EMCN: variants seen among roughly 807,000 people sequenced by gnomAD.
EMCN encodes MUC-14.
EMCN carries 37 observed loss-of-function variants against 38.4 expected under a neutral mutation model. The observed-to-expected ratio is 0.96, with a 90% CI of 0.74 to 1.27. The LOEUF (loss-of-function observed/expected upper bound fraction) is 1.27. EMCN is among the 50% of genes most tolerant of loss of function. EMCN has a pLI of 0.00. For synonymous variants in EMCN, 95 were observed against 100.8 expected (o/e 0.94, Z 0.35); for missense variants, 318 against 302.8 (o/e 1.05, Z -0.37).
intron 1 of EMCN, among the ~76,000 whole-genome samples, chr4:100,495,629 T>A (rs1729188681): frequency 6.6e-6 from 1 of 152,086 alleles, no homozygotes; most frequent in Non-Finnish European, 1.5e-5. Flanking sequence ...ATCGATGTAA[T>A]CTCATATTAT....
intron 5 of EMCN, among the ~76,000 whole-genome samples, chr4:100,436,808 C>A (rs1171933400): frequency 6.6e-6 from 1 of 152,032 alleles, no homozygotes; most frequent in African/African-American, 2.4e-5. Context: ...CGGAGCTGAG[C>A]CATAAGAACA....
At chr4:100,416,050 T>C (rs1262981154) in intron 9 of EMCN, 91 bp from the exon 10 acceptor site, 4 of 711,854 alleles carry the variant, frequency 5.6e-6, no homozygotes, top group Non-Finnish European at 9.5e-6. Context: ...ATGACGAAGA[T>C]ACATATGCAT....
At chr4:100,507,657 C>T (rs529560672) in intron 1 of EMCN, among the ~76,000 whole-genome samples, 4 of 152,304 alleles carry the variant, frequency 2.6e-5, no homozygotes, top group Non-Finnish European at 5.9e-5. Flanking sequence ...TCCCCATCTC[C>T]TCTTCCCAGC....
At chr4:100,427,378 C>A (rs556215481) in intron 5 of EMCN, among the ~76,000 whole-genome samples, 1 of 151,930 alleles carries the variant, frequency 6.6e-6, no homozygotes, top group African/African-American at 2.4e-5. Context: ...CTCAAGTGAT[C>A]CTCCTGCTTC....
rs114764144 is a variant in EMCN at position 100,450,335 on chromosome 4, C to T, written c.377-2764G>A. ...TAAATGAATTTTGAAATGCTAATCA[C>T]ATTAATCCAACGTTAAACTTTGCTC... On this transcript the variant is annotated intron_variant, in intron 4 of 11. Coordinates refer to ENST00000296420, the MANE Select transcript of EMCN (RefSeq NM_016242.4). 4.7e-3 allele frequency among the ~76,000 whole-genome samples: 714 copies of T among 152,042 alleles called. 7 individuals are homozygous for T. The highest frequency in any genetic ancestry group is 0.016 in the African/African-American group (680 of 41,546).
intron 1 of EMCN, among the ~76,000 whole-genome samples, chr4:100,507,197 C>T (rs922764362): frequency 6.6e-5 from 10 of 152,052 alleles, no homozygotes; most frequent in Non-Finnish European, 1.5e-4. Flanking sequence ...GAAGTGAAAG[C>T]AATTGATATG....
chr4:100,426,837 C>T (rs1460922790), intron 5 of EMCN, among the ~76,000 whole-genome samples: 2 of 152,152 alleles, frequency 1.3e-5, no homozygotes, highest in East Asian at 3.9e-4. Context: ...AATCCAACTT[C>T]AGAGTCACTG....
In EMCN at chr4:100,395,695, T is replaced by C. The variant is rs1726103030; in HGVS notation, c.*2718A>G. On this transcript the variant is annotated 3_prime_UTR_variant, in exon 12 of 12. Transcript: ENST00000296420. Reference sequence around the variant, plus strand: ...ATCGAAGGTTTGACTATGTCCTCGGTTGATACTCATAAATTTAAATATGGT... The same window carrying C: ...ATCGAAGGTTTGACTATGTCCTCGGCTGATACTCATAAATTTAAATATGGT... 6.6e-6 allele frequency: 1 copy of C among 152,184 alleles called. No individual in the cohort carries two copies. Among genetic ancestry groups the C allele is most frequent in the Non-Finnish European group, 1.5e-5 (1 of 68,016 alleles). 9.4% of individuals were successfully genotyped at this position (152,184 alleles called of 1,614,324 possible).
At chr4:100,435,034 G>C (rs577038999) in intron 5 of EMCN, among the ~76,000 whole-genome samples, 1 of 152,152 alleles carries the variant, frequency 6.6e-6, no homozygotes, top group African/African-American at 2.4e-5. Context: ...AGGGCAATTA[G>C]GCAAGAGAAA....
At chr4:100,460,615 T>C (rs979945149) in intron 4 of EMCN, among the ~76,000 whole-genome samples, 1 of 152,080 alleles carries the variant, frequency 6.6e-6, no homozygotes, top group Non-Finnish European at 1.5e-5. Context: ...ACAAGAACGG[T>C]ATGGAAAAGA....
At chr4:100,416,091 C>CAT (rs144411699) in intron 9 of EMCN, 132 bp from the exon 10 acceptor site, 23,948 of 472,566 alleles carry the variant, frequency 0.051, 1,203 homozygotes, top group African/African-American at 0.19. Context: ...TATATATATA[C>CAT]GTGTGTGTGT....
intron 1 of EMCN, among the ~76,000 whole-genome samples, chr4:100,492,531 T>A (rs1425671275): frequency 6.6e-6 from 1 of 152,002 alleles, no homozygotes; most frequent in Non-Finnish European, 1.5e-5. Flanking sequence ...TGGGGGAAAA[T>A]TTTAACATTC....
At chr4:100,461,589 A>C (rs916422250) in intron 4 of EMCN, among the ~76,000 whole-genome samples, 28 of 152,284 alleles carry the variant, frequency 1.8e-4, no homozygotes, top group African/African-American at 6.3e-4. Flanking sequence ...TATCTTAAAA[A>C]TTCTAGGATT....
chr4:100,425,149 GCACACA>G lies in EMCN; in HGVS notation c.416-1751_416-1746del, dbSNP rs57293882. Among the ~76,000 whole-genome samples the G allele has an allele frequency of 1.0e-3, 145 of 141,242 alleles. 2 individuals are homozygous for G. The East Asian group carries it at 0.02, about 20-fold the overall frequency. The allele number at this position is 141,242 out of a possible 152,430, so 92.7% of individuals were successfully genotyped here. A position where few individuals can be genotyped will look rare whatever the true frequency, so the allele number is the denominator to read the frequency against. On this transcript the variant is annotated intron_variant, in intron 5 of 11. Transcript: ENST00000296420. ...AGTTAAGAAATTATTTCTGAATCCA[GCACACA>G]CACACACACACACACACACACACAC...
intron 1 of EMCN, among the ~76,000 whole-genome samples, chr4:100,496,761 G>A (rs1165552403): frequency 6.6e-6 from 1 of 152,118 alleles, no homozygotes; most frequent in Non-Finnish European, 1.5e-5. Context: ...TTAAAAACCA[G>A]ACGCAGATTA....
intron 1 of EMCN, among the ~76,000 whole-genome samples, chr4:100,502,022 AAGAAG>A (rs1276966586): frequency 6.6e-6 from 1 of 152,332 alleles, no homozygotes; most frequent in East Asian, 1.9e-4. Context: ...AGGCGAAAGA[AAGAAG>A]AGAAAAGCTC....
intron 1 of EMCN, among the ~76,000 whole-genome samples, chr4:100,505,309 C>T (rs913950678): frequency 5.3e-5 from 8 of 152,142 alleles, no homozygotes; most frequent in African/African-American, 1.2e-4. Flanking sequence ...TCTCCACACA[C>T]GGGGAGAAAA....
At position 100,486,247 on chromosome 4, in the gene EMCN, G is replaced by C. The variant is rs189985451; in HGVS notation, c.65-6208C>G. Among the ~76,000 whole-genome samples, 180 of 152,250 alleles carry C rather than the reference G, an allele frequency of 1.2e-3. 1 individual carries two copies. The highest frequency in any genetic ancestry group is 4.1e-3 in the African/African-American group (171 of 41,564). ...GAGGAAAATTTTTCAAGAAAAGCCA[G>C]ATAACTGAACACAACAGGGAAAGAA... On this transcript the variant is annotated intron_variant, in intron 1 of 11. Coordinates refer to ENST00000296420, the MANE Select transcript of EMCN (RefSeq NM_016242.4).
chr4:100,507,662 C>A (rs887686524), intron 1 of EMCN, among the ~76,000 whole-genome samples: 7 of 152,170 alleles, frequency 4.6e-5, no homozygotes, highest in Non-Finnish European at 1.0e-4. Context: ...ATCTCCTCTT[C>A]CCAGCTTCCC....
Sources: gnomAD v4.1 joint callset for allele counts (sites outside exome capture counted in the v4.1 genomes callset) on GRCh38, gnomAD v4.1.1 for gene constraint, MANE v1.5 for transcripts, NCBI Gene and HGNC (gene_info 2026-07-23, HGNC 2026-07-21) for gene names.